The following ACTR3C variants were observed in gnomAD, a reference collection of about 807,000 sequenced individuals.
ACTR3C encodes the protein actin-related protein 3C.
Under a neutral mutation model 26.3 loss-of-function variants are expected in ACTR3C, and 18 were observed. The observed-to-expected ratio is 0.68, with a 90% CI of 0.47 to 1.01. ACTR3C has a LOEUF of 1.01. Among genes scored for constraint, ACTR3C ranks in the 50% least tolerant of loss-of-function variants. The pLI, the probability that ACTR3C is intolerant of heterozygous loss-of-function variation, is 0.00. For synonymous variants in ACTR3C, 55 were observed against 94.5 expected (o/e 0.58, Z 2.42); for missense variants, 184 against 250.7 (o/e 0.73, Z 1.80).
chr7:149,948,155 A>G, the ACTR3C span, among the ~76,000 whole-genome samples: 2 of 135,200 alleles, frequency 1.5e-5, no homozygotes, highest in African/African-American at 3.6e-5. Flanking sequence ...TTTTGGAAGC[A>G]TTTTAAATTC....
At chr7:150,025,928 C>T in the ACTR3C span, among the ~76,000 whole-genome samples, 3 of 151,990 alleles carry the variant, frequency 2.0e-5, no homozygotes, top group African/African-American at 4.8e-5. Context: ...ATCAGAAACA[C>T]GTAAATTCTC....
chr7:150,078,213 C>CT, the ACTR3C span, among the ~76,000 whole-genome samples: 17 of 151,490 alleles, frequency 1.1e-4, no homozygotes, highest in East Asian at 3.9e-4. Flanking sequence ...GTTTCTTCCC[C>CT]TTTTTTTTCT....
chr7:149,899,901 CA>C, the ACTR3C span, among the ~76,000 whole-genome samples: 17,922 of 121,188 alleles, frequency 0.15, 1,719 homozygotes, highest in East Asian at 0.35. Flanking sequence ...AACTAAAGAC[CA>C]AAAAAAAAAA....
At chr7:149,959,570 G>A in the ACTR3C span, among the ~76,000 whole-genome samples, 3 of 152,148 alleles carry the variant, frequency 2.0e-5, no homozygotes, top group Admixed American at 6.5e-5. Flanking sequence ...GATTTTGACT[G>A]GGAAGAGGGC....
At chr7:150,036,911 C>T in the ACTR3C span, among the ~76,000 whole-genome samples, 1 of 113,668 alleles carries the variant, frequency 8.8e-6, no homozygotes, top group Non-Finnish European at 2.0e-5. Context: ...CGGGGAGTGC[C>T]TCCCCCCTCT....
the ACTR3C span, among the ~76,000 whole-genome samples, chr7:150,178,455 T>C: frequency 6.7e-6 from 1 of 150,216 alleles, no homozygotes; most frequent in Non-Finnish European, 1.5e-5. Flanking sequence ...GCTAATGTTT[T>C]GCATTTTTAG....
chr7:149,915,836 G>C, the ACTR3C span, among the ~76,000 whole-genome samples: 1 of 150,112 alleles, frequency 6.7e-6, no homozygotes, highest in African/African-American at 2.5e-5. Flanking sequence ...AATGTTCGGT[G>C]AAGCACTATA....
the ACTR3C span, among the ~76,000 whole-genome samples, chr7:150,167,474 C>T: frequency 1.3e-5 from 2 of 150,652 alleles, no homozygotes; most frequent in South Asian, 2.1e-4. Flanking sequence ...TAATAGAATG[C>T]GACAGTTAAT....
the ACTR3C span, among the ~76,000 whole-genome samples, chr7:150,048,837 G>A: frequency 0.013 from 1,960 of 152,154 alleles, 36 homozygotes; most frequent in African/African-American, 0.045. Context: ...AGCTCCCTCC[G>A]AAACCGCCCC....
chr7:150,035,673 C>G, the ACTR3C span, among the ~76,000 whole-genome samples: 4 of 133,078 alleles, frequency 3.0e-5, no homozygotes, highest in South Asian at 9.6e-4. Flanking sequence ...CCAGGTGGGT[C>G]CTAAGGATCT....
At chr7:149,937,999 T>A in the ACTR3C span, among the ~76,000 whole-genome samples, 3 of 152,126 alleles carry the variant, frequency 2.0e-5, no homozygotes, top group Admixed American at 6.5e-5. Context: ...AGTGCTTGCA[T>A]GGAAGAGTGA....
At chr7:150,158,956 T>C in the ACTR3C span, among the ~76,000 whole-genome samples, 1 of 115,878 alleles carries the variant, frequency 8.6e-6, no homozygotes, top group South Asian at 3.4e-4. Flanking sequence ...CACACACAGG[T>C]ACACACGTGC....
the ACTR3C span, among the ~76,000 whole-genome samples, chr7:149,996,298 G>A: frequency 6.6e-6 from 1 of 150,768 alleles, no homozygotes; most frequent in Non-Finnish European, 1.5e-5. Context: ...CTGGGAGACG[G>A]CGGAGGCTCC....
At chr7:150,101,063 A>C in the ACTR3C span, among the ~76,000 whole-genome samples, 5 of 151,572 alleles carry the variant, frequency 3.3e-5, 1 homozygote, top group Admixed American at 6.6e-5. Context: ...ATAGATACTA[A>C]ACTATAAAAA....
chr7:149,964,540 G>A, the ACTR3C span, among the ~76,000 whole-genome samples: 14 of 152,212 alleles, frequency 9.2e-5, no homozygotes, highest in Non-Finnish European at 1.3e-4. Flanking sequence ...AGCTTGCAGC[G>A]TGAGCAGTGG....
chr7:150,116,719 T>C, the ACTR3C span, among the ~76,000 whole-genome samples: 1 of 133,426 alleles, frequency 7.5e-6, no homozygotes, highest in East Asian at 2.0e-4. Flanking sequence ...TTGTGACACA[T>C]GTGTGTGTGT....
At chr7:150,158,235 G>A in the ACTR3C span, among the ~76,000 whole-genome samples, 1 of 152,050 alleles carries the variant, frequency 6.6e-6, no homozygotes, top group African/African-American at 2.4e-5. Flanking sequence ...ACTGCATGCT[G>A]TTGGTGGGAC....
chr7:150,171,904 T>C, the ACTR3C span, among the ~76,000 whole-genome samples: 1 of 150,768 alleles, frequency 6.6e-6, no homozygotes, highest in Non-Finnish European at 1.5e-5. Flanking sequence ...CTCCACCTCC[T>C]GGATTCAAGC....
At chr7:150,065,834 C>G in the ACTR3C span, among the ~76,000 whole-genome samples, 1 of 150,550 alleles carries the variant, frequency 6.6e-6, no homozygotes, top group Admixed American at 6.6e-5. Context: ...GACTGACTTT[C>G]TCAATTTTCT....
Sources: allele counts gnomAD v4.1 joint callset (sites outside exome capture counted in the v4.1 genomes callset), GRCh38; gene constraint gnomAD v4.1.1; transcripts MANE v1.5; gene names NCBI Gene and HGNC (gene_info 2026-07-23, HGNC 2026-07-21).